Variants in ZBBX observed in about 807,000 individuals in gnomAD.
ZBBX encodes the protein zinc finger B-box domain containing.
A neutral mutation model predicts 108.5 loss-of-function variants in ZBBX; 101 were observed. The observed-to-expected ratio is 0.93, with a 90% CI of 0.79 to 1.10. The LOEUF (loss-of-function observed/expected upper bound fraction) is 1.10, where lower values mean the gene tolerates loss of function less well. Ranked by LOEUF, ZBBX falls within the 50% of genes least tolerant of loss-of-function variation. The probability of loss-of-function intolerance (pLI) is 0.00; values close to 1 mark genes in which losing one functional copy is unlikely to be tolerated. For synonymous variants in ZBBX, 356 were observed against 323.4 expected (o/e 1.10, Z -1.08); for missense variants, 1,009 against 941.4 (o/e 1.07, Z -0.94).
chr3:167,204,864 T>C, the ZBBX span, among the ~76,000 whole-genome samples: 1 of 151,726 alleles, frequency 6.6e-6, no homozygotes, highest in Non-Finnish European at 1.5e-5. Context: ...TGATAAATAC[T>C]TGAGATAGAA....
rs1576950409 is a variant in ZBBX at position 167,306,458 on chromosome 3, A to C, written c.1418-508T>G. ...GGGACACCTGCTTCTAGAAAGCTACAAAGTGAACAAGATTGTATTAGTCAT... is the reference window on the plus strand; with the variant it reads ...GGGACACCTGCTTCTAGAAAGCTACCAAGTGAACAAGATTGTATTAGTCAT... On this transcript the variant is annotated intron_variant, in intron 16 of 21. Transcript: ENST00000675490. 2.0e-5 allele frequency among the ~76,000 whole-genome samples: 3 copies of C among 152,218 alleles called. No homozygotes were observed. In the South Asian group the frequency reaches 6.2e-4, roughly 32 times the overall value.
chr3:167,315,843 T>A lies in ZBBX; in HGVS notation c.1195-14A>T, dbSNP rs780157086. On this transcript the variant is annotated splice_polypyrimidine_tract_variant and intron_variant, in intron 14 of 21. Transcript: ENST00000675490. ...CTCTTCATAAGTCTTATTAAATTAATGTTATATAATATTAGTAAGTTCATA... is the reference window on the plus strand; with the variant it reads ...CTCTTCATAAGTCTTATTAAATTAAAGTTATATAATATTAGTAAGTTCATA... The A allele has an allele frequency of 2.0e-6, 3 of 1,496,596 alleles. No individual in the cohort carries two copies. Among genetic ancestry groups the A allele is most frequent in the Middle Eastern group, 4.6e-4 (2 of 4,380 alleles). The allele number at this position is 1,496,596 out of a possible 1,614,324, so 92.7% of individuals were successfully genotyped here.
chr3:167,179,204 G>A, the ZBBX span, among the ~76,000 whole-genome samples: 1 of 152,208 alleles, frequency 6.6e-6, no homozygotes, highest in Non-Finnish European at 1.5e-5. Context: ...GGGAACATGG[G>A]TGACACCCAT....
chr3:167,396,472 C>T (rs893796937), intron 1 of ZBBX, among the ~76,000 whole-genome samples: 3 of 152,052 alleles, frequency 2.0e-5, no homozygotes, highest in African/African-American at 7.2e-5. Flanking sequence ...AGAAGTCTGC[C>T]GGCATTAGAT....
At chr3:167,196,712 T>G in the ZBBX span, among the ~76,000 whole-genome samples, 19 of 152,306 alleles carry the variant, frequency 1.2e-4, no homozygotes, top group East Asian at 3.7e-3. Context: ...CAATAGAAGC[T>G]TCTAGGGTAT....
chr3:167,388,472 G>C (rs1028309846), intron 1 of ZBBX, among the ~76,000 whole-genome samples: 6 of 151,940 alleles, frequency 3.9e-5, no homozygotes, highest in African/African-American at 1.4e-4. Context: ...GAGAGTTAAA[G>C]ACAGGGAGAT....
intron 1 of ZBBX, among the ~76,000 whole-genome samples, chr3:167,387,980 C>T (rs1227632771): frequency 6.6e-6 from 1 of 152,006 alleles, no homozygotes. Context: ...GTTTTGGAAG[C>T]TGGCACCTTG....
the ZBBX span, among the ~76,000 whole-genome samples, chr3:167,232,004 G>A: frequency 6.6e-6 from 1 of 151,592 alleles, no homozygotes; most frequent in Non-Finnish European, 1.5e-5. Flanking sequence ...ATGAAAAATT[G>A]GCCATTTGAT....
chr3:167,249,282 G>T (rs1454692053), intron 20 of ZBBX, among the ~76,000 whole-genome samples: 2 of 152,170 alleles, frequency 1.3e-5, no homozygotes, highest in Non-Finnish European at 2.9e-5. Flanking sequence ...ATAAGTGTAG[G>T]CTTTCTATAG....
the ZBBX span, among the ~76,000 whole-genome samples, chr3:167,194,294 A>C: frequency 6.6e-6 from 1 of 150,812 alleles, no homozygotes; most frequent in East Asian, 1.9e-4. Flanking sequence ...ACAGAACTGT[A>C]AAAGCTCAGT....
the ZBBX span, among the ~76,000 whole-genome samples, chr3:167,209,129 G>C: frequency 6.7e-6 from 1 of 148,564 alleles, no homozygotes. Flanking sequence ...TTTGACTTGG[G>C]CCAGTTCAGC....
chr3:167,254,098 C>G (rs1723066673), intron 20 of ZBBX, among the ~76,000 whole-genome samples: 1 of 152,128 alleles, frequency 6.6e-6, no homozygotes, highest in African/African-American at 2.4e-5. Flanking sequence ...ATTAGAAAAT[C>G]ACATTGTATC....
At chr3:167,191,913 A>ATATATAT in the ZBBX span, among the ~76,000 whole-genome samples, 2 of 124,178 alleles carry the variant, frequency 1.6e-5, 1 homozygote, top group African/African-American at 6.5e-5. Context: ...ATATATATAT[A>ATATATAT]TATATATATA....
At chr3:167,385,899 T>A (rs188212330) in intron 1 of ZBBX, among the ~76,000 whole-genome samples, 2 of 152,198 alleles carry the variant, frequency 1.3e-5, no homozygotes, top group Admixed American at 1.3e-4. Flanking sequence ...CAAGGATTGA[T>A]AAGCAGATAT....
upstream of ZBBX, among the ~76,000 whole-genome samples, chr3:167,383,660 C>A (rs1384577772): frequency 6.6e-6 from 1 of 152,056 alleles, no homozygotes; most frequent in African/African-American, 2.4e-5. Flanking sequence ...GGAGGAGAAT[C>A]ATCAGGGCCT....
intron 20 of ZBBX, among the ~76,000 whole-genome samples, chr3:167,260,265 T>C (rs989869784): frequency 6.6e-6 from 1 of 152,220 alleles, no homozygotes; most frequent in Non-Finnish European, 1.5e-5. Flanking sequence ...GCTCTTAAGA[T>C]TCTTCCCTTT....
intron 20 of ZBBX, among the ~76,000 whole-genome samples, chr3:167,254,887 T>TGTGAGAGAGAGAGAATGAGA (rs1307450012): frequency 2.5e-4 from 35 of 141,368 alleles, no homozygotes; most frequent in South Asian, 6.9e-4. Context: ...TGTGTGTGTG[T>TGTGAGAGAGAGAGAATGAGA]GAGAGAGAGA....
the ZBBX span, among the ~76,000 whole-genome samples, chr3:167,222,656 G>A: frequency 1.3e-5 from 2 of 151,842 alleles, no homozygotes; most frequent in Non-Finnish European, 2.9e-5. Flanking sequence ...TTGTATGCCT[G>A]TATCAAAATA....
At position 167,240,770 on chromosome 3, in the gene ZBBX, A is replaced by C; in HGVS notation, c.*23T>G. ...TTGCTTTACTCTGGGTACAAAATGG[A>C]AACAGTAATGAACAAATAATCTTTA... On this transcript the variant is annotated 3_prime_UTR_variant, in exon 22 of 22. Coordinates refer to ENST00000675490, the MANE Select transcript of ZBBX (RefSeq NM_001199201.2). The C allele has an allele frequency of 6.2e-7, 1 of 1,607,728 alleles. No homozygotes were observed. The highest frequency in any genetic ancestry group is 8.5e-7 in the Non-Finnish European group (1 of 1,176,728).
Sources: gnomAD v4.1 joint callset for allele counts (sites outside exome capture counted in the v4.1 genomes callset) on GRCh38, gnomAD v4.1.1 for gene constraint, MANE v1.5 for transcripts, NCBI Gene and HGNC (gene_info 2026-07-23, HGNC 2026-07-21) for gene names.